The following RNF126 variants were observed in gnomAD, a reference collection of about 807,000 sequenced individuals.
RNF126 encodes E3 ubiquitin-protein ligase RNF126.
In RNF126, 20 loss-of-function variants were observed where a neutral mutation model predicts 41.9. The ratio of observed to expected loss-of-function variants is 0.48; its 90% CI spans 0.34 to 0.69. The LOEUF (loss-of-function observed/expected upper bound fraction) is 0.69. Ranked by LOEUF, RNF126 falls within the 30% of genes least tolerant of loss-of-function variation. The pLI is 0.01. For missense variants in RNF126, 433 were observed against 460.6 expected (o/e 0.94, Z 0.55); for synonymous variants, 239 against 202.9 (o/e 1.18, Z -1.51).
At chr19:650,584 CTTTTTTTTTTTT>C (rs34495183) in intron 4 of RNF126, 32 of 72,314 alleles carry the variant, frequency 4.4e-4, no homozygotes, top group African/African-American at 1.6e-3. Flanking sequence ...CTCTCGGCTA[CTTTTTTTTTTTT>C]TTTTTTTTTT....
chr19:652,545 T>G, intron 2 of RNF126: 1 of 601,808 alleles, frequency 1.7e-6, no homozygotes, highest in Non-Finnish European at 2.9e-6. Context: ...AGGGCCCCCG[T>G]GGCCCCTTCC....
chr19:651,757 C>A lies in RNF126; in HGVS notation c.297G>T (p.Gly99=). ...DSFEIPTFPP[G]AQADDGRDPE... is the part of the protein sequence containing the mutation. ...GGTCCCTGCCGTCGTCAGCCTGCGC[C>A]CCAGGAGGGAACGTGGGGATCTCGA... Residue 99 remains glycine (G), a synonymous_variant, in exon 4 of 9, where the codon GGG becomes GGT. Transcript: ENST00000292363. 1 of 1,612,698 alleles carries A rather than the reference C, an allele frequency of 6.2e-7. No individual in the cohort carries two copies. The highest frequency in any genetic ancestry group is 8.5e-7 in the Non-Finnish European group (1 of 1,179,852).
At chr19:650,559 A>C in intron 4 of RNF126, 1 of 332,826 alleles carries the variant, frequency 3.0e-6, no homozygotes, top group South Asian at 1.1e-4. Flanking sequence ...CTGGGACCAC[A>C]GAAGAGGTCC....
At position 647,846 on chromosome 19, in the gene RNF126, A is replaced by G; in HGVS notation, c.*282T>C. 1 of 583,638 alleles carries G rather than the reference A, an allele frequency of 1.7e-6. No homozygotes were observed. The highest frequency in any genetic ancestry group is 3.1e-6 in the Non-Finnish European group (1 of 320,826). The allele number at this position is 583,638 out of a possible 1,614,324, so 36.2% of individuals were successfully genotyped here. ...GTCCGTTTATTTCAAAGCAGTAATA[A>G]TTTAAAATTATAAAAATCTTTCCAC... is the stretch of plus-strand genomic sequence containing the variant. On this transcript the variant is annotated 3_prime_UTR_variant, in exon 9 of 9. Coordinates refer to ENST00000292363, the MANE Select transcript of RNF126 (RefSeq NM_194460.3).
intron 1 of RNF126, among the ~76,000 whole-genome samples, chr19:653,358 T>C: frequency 6.6e-6 from 1 of 152,014 alleles, no homozygotes; most frequent in East Asian, 1.9e-4. Flanking sequence ...CAAGACCCCA[T>C]CCCCAGGTCC....
rs564394982 is a variant in RNF126, at chr19:653,024, G to A, written c.76-140C>T. 6.8e-4 allele frequency: 532 copies of A among 786,314 alleles called. 4 individuals carry two copies. Among genetic ancestry groups the A allele is most frequent in the South Asian group, 5.8e-3 (366 of 63,484 alleles). 48.7% of individuals were successfully genotyped at this position (786,314 alleles called of 1,614,324 possible). ...CGCAGGCCAGGGTGGCTCCCAACCC[G>A]TGGGTCCTGGAGGGCGGCCGAGGGG... On this transcript the variant is annotated intron_variant, in intron 1 of 8. Transcript: ENST00000292363.
chr19:647,724 C>T lies in RNF126; in HGVS notation c.*404G>A. The T allele has an allele frequency of 3.7e-6, 1 of 271,002 alleles. No homozygotes were observed. Among genetic ancestry groups the T allele is most frequent in the Non-Finnish European group, 7.3e-6 (1 of 136,976 alleles). The allele number at this position is 271,002 out of a possible 1,614,324, so 16.8% of individuals were successfully genotyped here. A position where few individuals can be genotyped will look rare whatever the true frequency, so the allele number is the denominator to read the frequency against. ...GCCCGTCCTGGCGGCACCTGCAGCA[C>T]TGGGGGAGCCGCTGAACCCCGTGCT... On this transcript the variant is annotated 3_prime_UTR_variant, in exon 9 of 9. Transcript: ENST00000292363.
chr19:647,690 G>T lies in RNF126; in HGVS notation c.*438C>A. The T allele has an allele frequency of 5.0e-6, 1 of 201,608 alleles. No individual in the cohort carries two copies. Among genetic ancestry groups the T allele is most frequent in the South Asian group, 6.3e-5 (1 of 15,816 alleles). The allele number at this position is 201,608 out of a possible 1,614,324, so 12.5% of individuals were successfully genotyped here. ...GAGGCGGCCGAGGGGGAGGCTGGGG[G>T]CCCACGTGGCCCGTCCTGGCGGCAC... On this transcript the variant is annotated 3_prime_UTR_variant, in exon 9 of 9. Coordinates refer to ENST00000292363, the MANE Select transcript of RNF126 (RefSeq NM_194460.3).
At position 658,678 on chromosome 19, in the gene RNF126, C is replaced by G. The variant is rs1053804642; in HGVS notation, c.75+4369G>C. The stretch of plus-strand genomic sequence containing the variant: ...CCTGGGCCCCACGCACCACACACTC[C>G]CAAGACAAGCTGGATGGACGAGGCG... On this transcript the variant is annotated intron_variant, in intron 1 of 8. Coordinates refer to ENST00000292363, the MANE Select transcript of RNF126 (RefSeq NM_194460.3). Among the ~76,000 whole-genome samples, 11 of 152,338 alleles carry G rather than the reference C, an allele frequency of 7.2e-5. No individual in the cohort carries two copies. The East Asian group carries it at 7.7e-4, about 11-fold the overall frequency.
chr19:661,634 G>C (rs950723061), intron 1 of RNF126, among the ~76,000 whole-genome samples: 1 of 152,080 alleles, frequency 6.6e-6, no homozygotes, highest in Admixed American at 6.6e-5. Context: ...TCTAGCACTC[G>C]CTCCTCCTCT....
At position 652,047 on chromosome 19, in the gene RNF126, G is replaced by A. The variant is rs866269845; in HGVS notation, c.198+186C>T. On this transcript the variant is annotated intron_variant, in intron 3 of 8. Transcript: ENST00000292363. ...TGTGAGATGCCTCGGTGGAAGTTTC[G>A]CTTTCATCCAAGAAACCAACCAAGC... 4.7e-5 allele frequency: 33 copies of A among 698,568 alleles called. No homozygotes were observed. The Middle Eastern group carries it at 1.6e-3, about 34-fold the overall frequency. 43.3% of individuals were successfully genotyped at this position (698,568 alleles called of 1,614,324 possible).
At chr19:662,128 G>A (rs1326137949) in intron 1 of RNF126, among the ~76,000 whole-genome samples, 1 of 152,134 alleles carries the variant, frequency 6.6e-6, no homozygotes, top group Non-Finnish European at 1.5e-5. Context: ...AGACCAGCCT[G>A]GGCAACACAG....
intron 1 of RNF126, among the ~76,000 whole-genome samples, chr19:661,078 G>T (rs186627298): frequency 6.6e-6 from 1 of 152,362 alleles, no homozygotes; most frequent in Admixed American, 6.5e-5. Context: ...AAAGACCACA[G>T]CGGCCTGTCA....
At chr19:650,926 C>T (rs535663641) in intron 4 of RNF126, among the ~76,000 whole-genome samples, 120 of 152,190 alleles carry the variant, frequency 7.9e-4, no homozygotes, top group African/African-American at 2.8e-3. Context: ...ATGGGGCCTC[C>T]CTACATTGCT....
At chr19:662,936 C>G (rs1011301489) in intron 1 of RNF126, 111 bp downstream of exon 1, 3 of 411,360 alleles carry the variant, frequency 7.3e-6, no homozygotes, top group Non-Finnish European at 7.9e-6. Flanking sequence ...GTTTTCCCGT[C>G]GTGGTCAGCT....
Position 663,041 on chromosome 19 carries a change from C to A in RNF126, c.75+6G>T. ...CTGCCGCCCGCCGCCCCGGCCCGGG[C>A]CTCACCGGCAGGCGCGGGACGATCT... On this transcript the variant is annotated splice_donor_region_variant and intron_variant, in intron 1 of 8. Coordinates refer to ENST00000292363, the MANE Select transcript of RNF126 (RefSeq NM_194460.3). 7.3e-7 allele frequency: 1 copy of A among 1,361,604 alleles called. No individual in the cohort carries two copies. The highest frequency in any genetic ancestry group is 9.5e-7 in the Non-Finnish European group (1 of 1,051,586). The allele number at this position is 1,361,604 out of a possible 1,614,324, so 84.3% of individuals were successfully genotyped here.
chr19:663,051 A>T lies in RNF126; in HGVS notation c.71T>A (p.Leu24Gln), dbSNP rs1411160566. The change falls in exon 1 of 9, where the codon CTG (leucine) becomes CAG (glutamine). Residue 24 changes from leucine to glutamine, a missense_variant. Around this residue, in one of 5 missense-constraint regions of RNF126, gnomAD observed 247 missense variants for 224.7 expected, o/e 1.10. Coordinates refer to ENST00000292363, the MANE Select transcript of RNF126 (RefSeq NM_194460.3). ...CCGCCCCGGCCCGGGCCTCACCGGC[A>T]GGCGCGGGACGATCTCCACGGAGCA... The part of the protein sequence containing the change: ...HCCSVEIVPR[L>Q]PDYICPRCES... 8.0e-6 allele frequency: 11 copies of T among 1,368,590 alleles called. No homozygotes were observed. Among genetic ancestry groups the T allele is most frequent in the Non-Finnish European group, 8.5e-6 (9 of 1,055,530 alleles). 84.8% of individuals were successfully genotyped at this position (1,368,590 alleles called of 1,614,324 possible). A position where few individuals can be genotyped will look rare whatever the true frequency, so the allele number is the denominator to read the frequency against.
At chr19:649,515 A>C (rs1484076324) in intron 6 of RNF126, 164 bp downstream of exon 6, 4 of 599,876 alleles carry the variant, frequency 6.7e-6, no homozygotes, top group Non-Finnish European at 1.2e-5. Context: ...AAATGGCAGG[A>C]GGAAGGCCGG....
At chr19:650,431 A>G (rs2144757888) in intron 4 of RNF126, 135 bp from the exon 5 acceptor site, 1 of 742,298 alleles carries the variant, frequency 1.3e-6, no homozygotes, top group Non-Finnish European at 2.2e-6. Context: ...TATTTATTTT[A>G]CTATGAGCCA....
Sources: allele counts gnomAD v4.1 joint callset (sites outside exome capture counted in the v4.1 genomes callset), GRCh38; gene constraint gnomAD v4.1.1; regional missense constraint gnomAD v4.1.1; transcripts MANE v1.5; gene names NCBI Gene and HGNC (gene_info 2026-07-23, HGNC 2026-07-21).